ODAD2: variants seen among roughly 807,000 people sequenced by gnomAD.
ODAD2 encodes the protein outer dynein arm docking complex subunit 2.
ODAD2 carries 89 observed loss-of-function variants against 106.8 expected under a neutral mutation model. The observed-to-expected ratio is 0.83, with a 90% CI of 0.70 to 0.99. The LOEUF (loss-of-function observed/expected upper bound fraction) is 0.99, where lower values mean the gene tolerates loss of function less well. Among genes scored for constraint, ODAD2 ranks in the 50% least tolerant of loss-of-function variants. The pLI, the probability that ODAD2 is intolerant of heterozygous loss-of-function variation, is 0.00. For missense variants in ODAD2, 1,168 were observed against 1,238.5 expected, an observed-to-expected ratio of 0.94 and a Z score of 0.85; for synonymous variants, 404 against 436.2, an observed-to-expected ratio of 0.93 and a Z score of 0.92.
intron 17 of ODAD2, among the ~76,000 whole-genome samples, chr10:27,868,536 A>G (rs1840620385): frequency 6.6e-6 from 1 of 152,230 alleles, no homozygotes; most frequent in South Asian, 2.1e-4. Context: ...TTGCAGGGAC[A>G]TGGATGAAGC....
At chr10:27,905,584 G>C (rs991378759) in intron 17 of ODAD2, among the ~76,000 whole-genome samples, 2 of 152,132 alleles carry the variant, frequency 1.3e-5, no homozygotes, top group African/African-American at 2.4e-5. Flanking sequence ...AAAGAACAAG[G>C]CTGGAGGCAT....
chr10:27,961,509 A>G (rs1848138381), intron 10 of ODAD2, 59 bp downstream of exon 10: 1 of 1,476,644 alleles, frequency 6.8e-7, no homozygotes, highest in African/African-American at 1.4e-5. Context: ...CAGCATATAC[A>G]TCTTTGGGAA....
chr10:27,853,632 T>C (rs992926279), intron 19 of ODAD2, among the ~76,000 whole-genome samples: 6 of 152,112 alleles, frequency 3.9e-5, no homozygotes, highest in Non-Finnish European at 7.4e-5. Context: ...CTCTGCCTGG[T>C]CCAGTTGTTT....
chr10:27,824,477 CCCT>C (rs970308822), intron 19 of ODAD2, among the ~76,000 whole-genome samples: 3 of 152,208 alleles, frequency 2.0e-5, no homozygotes, highest in Non-Finnish European at 4.4e-5. Flanking sequence ...CATGGAATGA[CCCT>C]TGACAGATGC....
chr10:27,836,199 T>C (rs1452234937), intron 19 of ODAD2: 2 of 152,138 alleles, frequency 1.3e-5, no homozygotes, highest in African/African-American at 2.4e-5. Context: ...TGAATACATA[T>C]GCATGTATAT....
intron 7 of ODAD2, among the ~76,000 whole-genome samples, chr10:27,973,457 T>C (rs532632422): frequency 6.6e-6 from 1 of 152,228 alleles, no homozygotes; most frequent in Admixed American, 6.5e-5. Context: ...TAGTATCCAA[T>C]AGTTATTTTT....
At position 27,862,607 on chromosome 10, in the gene ODAD2, C is replaced by A. The variant is rs1840130768; in HGVS notation, c.2626G>T (p.Val876Phe). The A allele has an allele frequency of 6.2e-7, 1 of 1,603,604 alleles. No individual in the cohort carries two copies. The highest frequency in any genetic ancestry group is 8.5e-7 in the Non-Finnish European group (1 of 1,175,960). The part of the protein sequence containing the change: ...IKNAKDAGEM[V>F]RSFVGGLELI... ...TCCAAACCACCAACAAAGGAACGAA[C>A]CATTTCCCCAGCATCCTAGACAAAA... is the stretch of plus-strand genomic sequence containing the variant. The change falls in exon 18 of 20, where the codon GTT becomes TTT. Residue 876 changes from valine to phenylalanine, a missense_variant. Val to Phe is a conservative substitution (Grantham distance 50, BLOSUM62 -1). Transcript: ENST00000305242.
intron 16 of ODAD2, among the ~76,000 whole-genome samples, chr10:27,908,764 A>AT (rs1373167904): frequency 9.3e-5 from 3 of 32,100 alleles, no homozygotes; most frequent in Non-Finnish European, 2.0e-4. Context: ...ACCAGGGGGG[A>AT]AAAATGTATT....
chr10:27,944,786 C>T, intron 11 of ODAD2, 30 bp downstream of exon 11: 1 of 1,613,732 alleles, frequency 6.2e-7, no homozygotes, highest in Non-Finnish European at 8.5e-7. Context: ...GGGAACAAGA[C>T]TCCGCATCCA....
chr10:27,945,974 C>T (rs891453170), intron 10 of ODAD2, among the ~76,000 whole-genome samples: 1 of 150,920 alleles, frequency 6.6e-6, no homozygotes, highest in East Asian at 1.9e-4. Flanking sequence ...ATGTTTATTT[C>T]CATTTATTAA....
At chr10:27,838,743 C>T (rs1396344521) in intron 19 of ODAD2, among the ~76,000 whole-genome samples, 1 of 151,850 alleles carries the variant, frequency 6.6e-6, no homozygotes, top group Non-Finnish European at 1.5e-5. Context: ...AAAGGAGCAG[C>T]ATATACTTTA....
intron 19 of ODAD2, among the ~76,000 whole-genome samples, chr10:27,851,256 C>T (rs964568335): frequency 2.3e-4 from 35 of 152,094 alleles, no homozygotes; most frequent in Non-Finnish European, 4.9e-4. Context: ...ATTATCCCTA[C>T]TCTAGTCTTG....
chr10:27,831,965 A>G (rs1425938305), intron 19 of ODAD2, among the ~76,000 whole-genome samples: 1 of 152,270 alleles, frequency 6.6e-6, no homozygotes, highest in Non-Finnish European at 1.5e-5. Context: ...CTTGACCCAC[A>G]GTGCATCATT....
chr10:27,869,462 C>T (rs1840692737), intron 17 of ODAD2, among the ~76,000 whole-genome samples: 1 of 150,540 alleles, frequency 6.6e-6, no homozygotes, highest in African/African-American at 2.4e-5. Context: ...TATTCTGGTA[C>T]AACTTCTGGA....
intron 17 of ODAD2, among the ~76,000 whole-genome samples, chr10:27,882,221 G>GAAAGAAAGAAAGAAAGA (rs1331998806): frequency 2.0e-5 from 3 of 150,848 alleles, no homozygotes; most frequent in African/African-American, 7.4e-5. Context: ...AAGAAAGAAA[G>GAAAGAAAGAAAGAAAGA]AAAGAAAGAA....
chr10:27,936,319 T>C (rs1168604618), intron 15 of ODAD2, among the ~76,000 whole-genome samples: 8 of 152,230 alleles, frequency 5.3e-5, no homozygotes, highest in African/African-American at 1.9e-4. Flanking sequence ...AACTGGTTAG[T>C]TGACATTTAG....
chr10:27,960,978 G>T (rs368894500), intron 10 of ODAD2, among the ~76,000 whole-genome samples: 1 of 152,044 alleles, frequency 6.6e-6, no homozygotes, highest in African/African-American at 2.4e-5. Context: ...ACTTAAATAC[G>T]TTACATGGGC....
chr10:27,917,432 T>C (rs1258998506), intron 16 of ODAD2, among the ~76,000 whole-genome samples: 1 of 152,074 alleles, frequency 6.6e-6, no homozygotes, highest in Non-Finnish European at 1.5e-5. Flanking sequence ...TGGCCTATAA[T>C]ACCAATGAAC....
chr10:27,848,429 G>T (rs944876214), intron 19 of ODAD2, among the ~76,000 whole-genome samples: 9 of 151,142 alleles, frequency 6.0e-5, no homozygotes, highest in Admixed American at 5.9e-4. Flanking sequence ...ATTCAAGATG[G>T]ATTAAAGACC....
Sources: allele counts gnomAD v4.1 joint callset (sites outside exome capture counted in the v4.1 genomes callset), GRCh38; gene constraint gnomAD v4.1.1; transcripts MANE v1.5; gene names NCBI Gene and HGNC (gene_info 2026-07-23, HGNC 2026-07-21).